Variants in ZNF775 observed in about 807,000 individuals in gnomAD.
The protein encoded by ZNF775 is zinc finger protein 775.
ZNF775 carries 1 observed loss-of-function variant against 2.4 expected under a neutral mutation model. The observed-to-expected ratio is 0.41, with a 90% CI of 0.15 to 1.94. The LOEUF (loss-of-function observed/expected upper bound fraction) is 1.94. Among genes scored for constraint, ZNF775 ranks in the 30% most tolerant of loss-of-function variants. The pLI is 0.30. For missense variants in ZNF775, 823 were observed against 826.6 expected, an observed-to-expected ratio of 1.00 and a Z score of 0.05; for synonymous variants, 381 against 373.3, an observed-to-expected ratio of 1.02 and a Z score of -0.24.
chr7:150,397,424 G>T lies in ZNF775; in HGVS notation c.943G>T (p.Gly315Cys). 1.3e-6 allele frequency: 2 copies of T among 1,596,192 alleles called. No homozygotes were observed. ...GERPYACPEC[G>C]RRFSQKPNLT... is the part of the protein sequence containing the mutation. Reference sequence around the variant, plus strand: ...GCGCCCCTATGCGTGCCCCGAGTGCGGCCGCCGCTTCAGCCAGAAGCCCAA... The same window carrying T: ...GCGCCCCTATGCGTGCCCCGAGTGCTGCCGCCGCTTCAGCCAGAAGCCCAA... Residue 315 changes from glycine to cysteine, a missense_variant, in exon 3 of 3, where the codon GGC becomes TGC. Coordinates refer to ENST00000329630, the MANE Select transcript of ZNF775 (RefSeq NM_173680.4).
rs1476288089 is a variant in ZNF775, at chr7:150,398,164, T to C, written c.*69T>C. 6.6e-7 allele frequency: 1 copy of C among 1,518,226 alleles called. No homozygotes were observed. Among genetic ancestry groups the C allele is most frequent in the African/African-American group, 1.4e-5 (1 of 71,698 alleles). The allele number at this position is 1,518,226 out of a possible 1,614,324, so 94.0% of individuals were successfully genotyped here. ...GCGGGGTGTGTGTGGGGAGTGGGGG[T>C]GGCCAGGATTGCTGGCTCTTAGAAC... On this transcript the variant is annotated 3_prime_UTR_variant, in exon 3 of 3. Coordinates refer to ENST00000329630, the MANE Select transcript of ZNF775 (RefSeq NM_173680.4).
chr7:150,397,038 C>G lies in ZNF775; in HGVS notation c.557C>G (p.Ser186Cys). 1 of 1,597,228 alleles carries G rather than the reference C, an allele frequency of 6.3e-7. No homozygotes were observed. The highest frequency in any genetic ancestry group is 1.1e-5 in the South Asian group (1 of 90,614). Residue 186 changes from serine (S) to cysteine (C), a missense_variant, in exon 3 of 3, where the codon TCC becomes TGC. Physicochemically the swap from Ser to Cys is moderately radical, Grantham distance 112. Transcript: ENST00000329630. ...QHLLKHQKTHSRPATHSCPEC... is the reference protein window; with the variant it reads ...QHLLKHQKTHCRPATHSCPEC... ...CTGCTCAAGCACCAGAAGACCCACT[C>G]CCGGCCCGCCACCCACTCGTGCCCC... is the stretch of plus-strand genomic sequence containing the variant.
Position 150,383,441 on chromosome 7 carries a change from A to AG in ZNF775, c.-50+4053dup, listed in dbSNP as rs201562008. Among the ~76,000 whole-genome samples the AG allele has an allele frequency of 3.8e-3, 578 of 152,310 alleles. 3 individuals carry two copies. Among genetic ancestry groups the AG allele is most frequent in the African/African-American group, 0.013 (553 of 41,560 alleles). On this transcript the variant is annotated intron_variant, in intron 1 of 2. Coordinates refer to ENST00000329630, the MANE Select transcript of ZNF775 (RefSeq NM_173680.4). ...CCGCTCCCTGGGGCTAACCTGAGTG[A>AG]GGGGTCTCACAGGGAGAGAGGACTG...
Position 150,398,286 on chromosome 7 carries a change from G to A in ZNF775, c.*191G>A. 1 of 968,096 alleles carries A rather than the reference G, an allele frequency of 1.0e-6. No individual in the cohort carries two copies. The highest frequency in any genetic ancestry group is 1.5e-6 in the Non-Finnish European group (1 of 684,200). 60.0% of individuals were successfully genotyped at this position (968,096 alleles called of 1,614,324 possible). ...GGTGCTGGGAAAGGTCCCAGCGTGG[G>A]TTGAGGGAGGAGGGAAGATCCGAGT... On this transcript the variant is annotated 3_prime_UTR_variant, in exon 3 of 3. Transcript: ENST00000329630.
rs1800424826 is a variant in ZNF775 at position 150,384,946 on chromosome 7, C to T, written c.-49-3476C>T. ...AGACCCAGGCCCATCCTTCTGTCCT[C>T]CTGAATTTGTGGCCTGGGCTCTGCC... On this transcript the variant is annotated intron_variant, in intron 1 of 2. Coordinates refer to ENST00000329630, the MANE Select transcript of ZNF775 (RefSeq NM_173680.4). The surrounding 1 kb of genome is among the most constrained non-coding windows in gnomAD (Gnocchi z 4.1). 6.6e-6 allele frequency among the ~76,000 whole-genome samples: 1 copy of T among 152,204 alleles called. No homozygotes were observed. Among genetic ancestry groups the T allele is most frequent in the Non-Finnish European group, 1.5e-5 (1 of 68,024 alleles).
intron 2 of ZNF775, among the ~76,000 whole-genome samples, chr7:150,394,971 T>C (rs1800624302): frequency 6.6e-6 from 1 of 152,224 alleles, no homozygotes; most frequent in Non-Finnish European, 1.5e-5. Context: ...GCTAACCTTG[T>C]AGACTTTTCT....
In ZNF775 at chr7:150,397,918, C is replaced by T. The variant is rs1484567615; in HGVS notation, c.1437C>T (p.Cys479=). ...TGERPYPCPE[C]GRRFSQKPNL... is the part of the protein sequence containing the mutation. ...AGCGGCCCTACCCGTGCCCCGAGTGCGGCCGCCGCTTCAGCCAGAAGCCCA... is the reference window on the plus strand; with the variant it reads ...AGCGGCCCTACCCGTGCCCCGAGTGTGGCCGCCGCTTCAGCCAGAAGCCCA... The change falls in exon 3 of 3, where the codon TGC becomes TGT. Residue 479 remains cysteine (C), a synonymous_variant. Transcript: ENST00000329630. The T allele has an allele frequency of 1.9e-6, 3 of 1,600,620 alleles. No homozygotes were observed. The highest frequency in any genetic ancestry group is 2.5e-6 in the Non-Finnish European group (3 of 1,178,216).
At chr7:150,386,143 C>T (rs988210505) in intron 1 of ZNF775, among the ~76,000 whole-genome samples, 3 of 152,150 alleles carry the variant, frequency 2.0e-5, no homozygotes, top group African/African-American at 7.2e-5. Flanking sequence ...CCCACGTCGG[C>T]CAGGCTTGTC....
intron 1 of ZNF775, among the ~76,000 whole-genome samples, chr7:150,381,902 G>A (rs1392064099): frequency 6.6e-6 from 1 of 151,978 alleles, no homozygotes; most frequent in Non-Finnish European, 1.5e-5. Context: ...CACAGTGGGG[G>A]TGGCCTTGTG....
At chr7:150,383,106 CTTTTG>C (rs1800390989) in intron 1 of ZNF775, among the ~76,000 whole-genome samples, 1 of 152,138 alleles carries the variant, frequency 6.6e-6, no homozygotes, top group Non-Finnish European at 1.5e-5. Flanking sequence ...TGTCTTTGAA[CTTTTG>C]TTTACTTAGC....
At chr7:150,381,968 A>C (rs1454233769) in intron 1 of ZNF775, among the ~76,000 whole-genome samples, 1 of 141,984 alleles carries the variant, frequency 7.0e-6, no homozygotes, top group Non-Finnish European at 1.5e-5. Context: ...GGGGTGGGAC[A>C]GGGGAGTTGT....
Position 150,398,088 on chromosome 7 carries a change from C to T in ZNF775, c.1607C>T (p.Ala536Val). Residue 536 changes from alanine (A) to valine (V), a missense_variant, in exon 3 of 3, where the codon GCG becomes GTG. Coordinates refer to ENST00000329630, the MANE Select transcript of ZNF775 (RefSeq NM_173680.4). Reference sequence around the variant, plus strand: ...CCTGCGTGCAGCCCCAAGGAGGAGGCGCGCTAGTGGACTGGACCTCAGCGG... The same window carrying T: ...CCTGCGTGCAGCCCCAAGGAGGAGGTGCGCTAGTGGACTGGACCTCAGCGG... ...AAPACSPKEE[A>V]R The T allele has an allele frequency of 1.9e-6, 3 of 1,549,680 alleles. No homozygotes were observed. The highest frequency in any genetic ancestry group is 2.4e-5 in the East Asian group (1 of 41,756).
At chr7:150,385,124 G>A (rs1800427844) in intron 1 of ZNF775, among the ~76,000 whole-genome samples, 2 of 152,128 alleles carry the variant, frequency 1.3e-5, no homozygotes, top group African/African-American at 2.4e-5. Context: ...GGAGGGTGGC[G>A]AGGGAGGGAG....
At chr7:150,389,121 G>C (rs1800510965) in intron 2 of ZNF775, among the ~76,000 whole-genome samples, 1 of 152,260 alleles carries the variant, frequency 6.6e-6, no homozygotes. Flanking sequence ...GGAGTGCCCT[G>C]TCGCATGTGG....
intron 2 of ZNF775, among the ~76,000 whole-genome samples, chr7:150,393,115 A>G (rs1344118863): frequency 2.6e-5 from 4 of 151,658 alleles, no homozygotes; most frequent in Non-Finnish European, 5.9e-5. Context: ...CTGCCCCCCA[A>G]GTTCCCTGTG....
At position 150,397,788 on chromosome 7, in the gene ZNF775, G is replaced by A. The variant is rs1376950145; in HGVS notation, c.1307G>A (p.Gly436Asp). ...ACGCTGTGGGGCCGGGGACAAGCGG[G>A]CCTCGCTGGGCCTGGCGAGCCGCGC... Reference protein sequence around the residue: ...RDTLWGRGQAGLAGPGEPRQF... With the variant: ...RDTLWGRGQADLAGPGEPRQF... The change falls in exon 3 of 3, where the codon GGC becomes GAC. Residue 436 changes from glycine (G) to aspartate (D), a missense_variant. Gly to Asp is a moderately conservative substitution (Grantham distance 94). Transcript: ENST00000329630. 3.2e-6 allele frequency: 5 copies of A among 1,550,442 alleles called. No individual in the cohort carries two copies. Among genetic ancestry groups the A allele is most frequent in the Non-Finnish European group, 4.3e-6 (5 of 1,153,356 alleles).
At position 150,382,400 on chromosome 7, in the gene ZNF775, T is replaced by C. The variant is rs1046215821; in HGVS notation, c.-50+3008T>C. On this transcript the variant is annotated intron_variant, in intron 1 of 2. Coordinates refer to ENST00000329630, the MANE Select transcript of ZNF775 (RefSeq NM_173680.4). The surrounding 1 kb of genome is among the most constrained non-coding windows in gnomAD (Gnocchi z 4.6). The stretch of plus-strand genomic sequence containing the variant: ...CCTGAGCTCAAAGCGCTGCAATGAC[T>C]GGCCAGGGACTAGCAGCGGCTCAGT... Among the ~76,000 whole-genome samples the C allele has an allele frequency of 6.0e-5, 9 of 151,222 alleles. No homozygotes were observed. Among genetic ancestry groups the C allele is most frequent in the Admixed American group, 5.9e-4 (9 of 15,234 alleles).
chr7:150,397,391 A>G lies in ZNF775; in HGVS notation c.910A>G (p.Thr304Ala). 1 of 1,595,330 alleles carries G rather than the reference A, an allele frequency of 6.3e-7. No homozygotes were observed. The change falls in exon 3 of 3, where the codon ACT (threonine) becomes GCT (alanine). Residue 304 changes from threonine to alanine, a missense_variant. Physicochemically the swap from Thr to Ala is moderately conservative, Grantham distance 58 (BLOSUM62 0). Transcript: ENST00000329630. The part of the protein sequence containing the change: ...SSLNIHQRIH[T>A]GERPYACPEC... ...GCTGAACATCCACCAGCGCATCCAC[A>G]CTGGCGAGCGCCCCTATGCGTGCCC...
rs1225487818 is a variant in ZNF775, at chr7:150,397,908, G to T, written c.1427G>T (p.Cys476Phe). Residue 476 changes from cysteine (C) to phenylalanine (F), a missense_variant, in exon 3 of 3, where the codon TGC becomes TTC. Coordinates refer to ENST00000329630, the MANE Select transcript of ZNF775 (RefSeq NM_173680.4). ...CACACGGGTGAGCGGCCCTACCCGT[G>T]CCCCGAGTGCGGCCGCCGCTTCAGC... The part of the protein sequence containing the change: ...RIHTGERPYP[C>F]PECGRRFSQK... The T allele has an allele frequency of 6.2e-7, 1 of 1,601,864 alleles. No homozygotes were observed. Among genetic ancestry groups the T allele is most frequent in the South Asian group, 1.1e-5 (1 of 90,798 alleles).
Sources: allele counts gnomAD v4.1 joint callset (sites outside exome capture counted in the v4.1 genomes callset), GRCh38; gene constraint gnomAD v4.1.1; non-coding constraint Gnocchi (gnomAD v3.1); transcripts MANE v1.5; gene names NCBI Gene and HGNC (gene_info 2026-07-23, HGNC 2026-07-21).